The following ADGRG4 variants were observed in gnomAD, a reference collection of about 807,000 sequenced individuals.
The protein encoded by ADGRG4 is G protein-coupled receptor 112.
Under a neutral mutation model 126.2 loss-of-function variants are expected in ADGRG4, and 122 were observed. That is an observed-to-expected ratio of 0.97 (90% CI 0.83 to 1.12). ADGRG4 has a LOEUF of 1.12. Ranked by LOEUF, ADGRG4 falls within the 50% of genes most tolerant of loss-of-function variation. ADGRG4 has a pLI of 0.00. For synonymous variants in ADGRG4, 943 were observed against 838.7 expected, an observed-to-expected ratio of 1.12 and a Z score of -2.15; for missense variants, 2,481 against 2,251.8, an observed-to-expected ratio of 1.10 and a Z score of -2.06.
At chrX:136,315,100 G>A (rs2074797013) in intron 4 of ADGRG4, among the ~76,000 whole-genome samples, 1 of 110,563 alleles carries the variant, frequency 9.0e-6, no homozygotes, top group Non-Finnish European at 1.9e-5. Context: ...ATCAGGGTTG[G>A]ACGCTTCTAT....
At position 136,342,921 on chromosome X, in the gene ADGRG4, TGA is replaced by T. The variant is rs1556006930; in HGVS notation, c.686-1459_686-1458del. On this transcript the variant is annotated intron_variant, in intron 5 of 25. Coordinates refer to ENST00000394143, the MANE Select transcript of ADGRG4 (RefSeq NM_153834.4). ...GTGTGTGTGTGTGTGTGTGTGTGTG[TGA>T]GAGAGAGAGAGGAAGGGGATCAGAT... is the stretch of plus-strand genomic sequence containing the variant. 4.1e-3 allele frequency among the ~76,000 whole-genome samples: 343 copies of T among 84,301 alleles called. 1 individual carries two copies. Among genetic ancestry groups the T allele is most frequent in the African/African-American group, 8.4e-3 (179 of 21,185 alleles). The allele number at this position is 84,301 out of a possible 115,157, so 73.2% of individuals were successfully genotyped here.
At chrX:136,319,454 T>C (rs1452200567) in intron 4 of ADGRG4, among the ~76,000 whole-genome samples, 1 of 112,248 alleles carries the variant, frequency 8.9e-6, no homozygotes, top group Non-Finnish European at 1.9e-5. Context: ...TCCATCTTAC[T>C]GTGGAAGAAC....
At chrX:136,365,494 C>A (rs927157757) in intron 13 of ADGRG4, among the ~76,000 whole-genome samples, 44 of 111,644 alleles carry the variant, frequency 3.9e-4, no homozygotes, top group African/African-American at 1.3e-3. Flanking sequence ...ATTTCTTTTC[C>A]ATCTTTTGGT....
In ADGRG4 at chrX:136,348,644, C is replaced by G. The variant is rs111880833; in HGVS notation, c.4938C>G (p.Leu1646=). The change falls in exon 6 of 26, where the codon CTC becomes CTG. Residue 1646 remains leucine (L), a synonymous_variant. Transcript: ENST00000394143. ...CCAGGATCACACCTACGACCTTTCT[C>G]TCTCCAACAGAGCCAACTTTGCCCT... ...APSRITPTTF[L]SPTEPTLPFV... is the part of the protein sequence containing the mutation. The G allele has an allele frequency of 0.029, 35,223 of 1,207,883 alleles. 426 individuals carry two copies. Among genetic ancestry groups the G allele is most frequent in the Non-Finnish European group, 0.034 (30,668 of 894,270 alleles).
intron 18 of ADGRG4, 132 bp downstream of exon 18, chrX:136,393,712 G>A: frequency 2.2e-6 from 1 of 456,763 alleles, no homozygotes; most frequent in Non-Finnish European, 3.8e-6. Flanking sequence ...CCAAGATACA[G>A]GATATGATTT....
chrX:136,328,786 T>C (rs1196358144), intron 5 of ADGRG4, among the ~76,000 whole-genome samples: 1 of 112,050 alleles, frequency 8.9e-6, no homozygotes, highest in Non-Finnish European at 1.9e-5. Flanking sequence ...ATAGGAAAAG[T>C]TCCATGGTGA....
chrX:136,399,336 G>A (rs1241438381), intron 20 of ADGRG4, among the ~76,000 whole-genome samples: 3 of 112,365 alleles, frequency 2.7e-5, no homozygotes, highest in South Asian at 3.7e-4. Flanking sequence ...TAATAACAGC[G>A]TAAAATAATC....
At position 136,347,152 on chromosome X, in the gene ADGRG4, C is replaced by T. The variant is rs2075023337; in HGVS notation, c.3446C>T (p.Pro1149Leu). The change falls in exon 6 of 26, where the codon CCC (proline) becomes CTC (leucine). Residue 1149 changes from proline (P) to leucine (L), a missense_variant. Physicochemically the swap from Pro to Leu is moderately conservative, Grantham distance 98 (BLOSUM62 -3). Transcript: ENST00000394143. ...STHTLVCSKP[P>L]PDNIPPASST... Reference sequence around the variant, plus strand: ...CACACTCTTGTCTGCTCAAAACCTCCCCCTGACAACATTCCTCCTGCGTCC... The same window carrying T: ...CACACTCTTGTCTGCTCAAAACCTCTCCCTGACAACATTCCTCCTGCGTCC... 5 of 1,211,095 alleles carry T rather than the reference C, an allele frequency of 4.1e-6. No homozygotes were observed. The highest frequency in any genetic ancestry group is 5.6e-6 in the Non-Finnish European group (5 of 895,092).
At chrX:136,327,516 C>G (rs2074881610) in intron 5 of ADGRG4, among the ~76,000 whole-genome samples, 1 of 104,258 alleles carries the variant, frequency 9.6e-6, no homozygotes, top group Non-Finnish European at 2.0e-5. Flanking sequence ...GGTTCTGCAA[C>G]TTGATTTATT....
rs373549091 is a variant in ADGRG4 at position 136,368,673 on chromosome X, T to C, written c.7397-2655T>C. ...ATACAAATTACAATGTAACGTATAG[T>C]GACTGAACTATAAACTTGGTAAAAG... On this transcript the variant is annotated intron_variant, in intron 13 of 25. Transcript: ENST00000394143. 6.3e-4 allele frequency among the ~76,000 whole-genome samples: 71 copies of C among 112,097 alleles called. No individual in the cohort carries two copies. In the East Asian group the frequency reaches 7.5e-3, roughly 12 times the overall value.
At chrX:136,331,531 C>T (rs1337777078) in intron 5 of ADGRG4, among the ~76,000 whole-genome samples, 3 of 112,415 alleles carry the variant, frequency 2.7e-5, no homozygotes, top group Non-Finnish European at 5.6e-5. Context: ...ACTTTATATT[C>T]CACCAGCAAT....
Position 136,397,974 on chromosome X carries a change from GT to G in ADGRG4, c.8280del (p.Ala2761GlnfsTer3), listed in dbSNP as rs936071760. 2.5e-6 allele frequency: 3 copies of G among 1,204,992 alleles called. No homozygotes were observed. In the African/African-American group the frequency reaches 5.2e-5, roughly 21 times the overall value. Reference sequence around the variant, plus strand: ...TGGAATCTCCTCCATTTTTCTGGGAGTTGCAGTGGTGACATACATAGCTTTT... The same window carrying G: ...TGGAATCTCCTCCATTTTTCTGGGAGTGCAGTGGTGACATACATAGCTTTT... ...GCGISSIFLG[V>X]AVVTYIAFHK... On this transcript the variant is annotated frameshift_variant, in exon 20 of 26. Coordinates refer to ENST00000394143, the MANE Select transcript of ADGRG4 (RefSeq NM_153834.4). LOFTEE classifies it high-confidence loss of function.
chrX:136,331,838 G>A (rs1469048814), intron 5 of ADGRG4, among the ~76,000 whole-genome samples: 3 of 100,935 alleles, frequency 3.0e-5, no homozygotes, highest in Admixed American at 1.1e-4. Flanking sequence ...TTTTTTTGAG[G>A]CGGAGTCCGG....
intron 15 of ADGRG4, among the ~76,000 whole-genome samples, chrX:136,384,729 A>G (rs895642910): frequency 7.2e-5 from 8 of 111,575 alleles, no homozygotes; most frequent in African/African-American, 2.6e-4. Context: ...AGCCCCCAGC[A>G]TTTTAAAGAT....
intron 1 of ADGRG4, among the ~76,000 whole-genome samples, chrX:136,303,426 A>G (rs2074714938): frequency 9.0e-6 from 1 of 111,486 alleles, no homozygotes; most frequent in Admixed American, 9.6e-5. Flanking sequence ...GTATTCCAGA[A>G]TGGGCAACAG....
At chrX:136,311,096 G>T (rs1446995175) in intron 4 of ADGRG4, among the ~76,000 whole-genome samples, 1 of 110,605 alleles carries the variant, frequency 9.0e-6, no homozygotes, top group African/African-American at 3.3e-5. Context: ...GGCTGAGAGA[G>T]AGCAAGAGAG....
chrX:136,382,314 C>T (rs183023578), intron 15 of ADGRG4, among the ~76,000 whole-genome samples: 110 of 111,583 alleles, frequency 9.9e-4, no homozygotes, highest in African/African-American at 3.5e-3. Flanking sequence ...AATCCTATGT[C>T]ACACGATAAA....
chrX:136,412,182 T>C, intron 23 of ADGRG4, 83 bp from the exon 24 acceptor site: 1 of 626,397 alleles, frequency 1.6e-6, no homozygotes, highest in Non-Finnish European at 2.7e-6. Context: ...GTATCTCTCA[T>C]GACAGAAGCA....
At chrX:136,385,648 C>T (rs957736354) in intron 15 of ADGRG4, among the ~76,000 whole-genome samples, 3 of 111,580 alleles carry the variant, frequency 2.7e-5, no homozygotes, top group East Asian at 5.6e-4. Flanking sequence ...TTTTTCTTCA[C>T]GTATTGAGTA....
Sources: gnomAD v4.1 joint callset for allele counts (sites outside exome capture counted in the v4.1 genomes callset) on GRCh38, gnomAD v4.1.1 for gene constraint, MANE v1.5 for transcripts, NCBI Gene and HGNC (gene_info 2026-07-23, HGNC 2026-07-21) for gene names.